Variants in EPHA4 observed in about 807,000 individuals in gnomAD.
EPHA4 encodes EPH receptor A4.
Under a neutral mutation model 108.3 loss-of-function variants are expected in EPHA4, and 19 were observed. The observed-to-expected ratio is 0.18, with a 90% CI of 0.12 to 0.26. The LOEUF (loss-of-function observed/expected upper bound fraction) is 0.26. EPHA4 is among the 10% of genes least tolerant of loss of function. EPHA4 has a pLI of 1.00. For synonymous variants in EPHA4, 449 were observed against 455.5 expected, an observed-to-expected ratio of 0.99 and a Z score of 0.18; for missense variants, 917 against 1,254.0, an observed-to-expected ratio of 0.73 and a Z score of 4.06.
chr2:221,552,148 T>C (rs1171237433), intron 3 of EPHA4, among the ~76,000 whole-genome samples: 1 of 152,150 alleles, frequency 6.6e-6, no homozygotes, highest in Non-Finnish European at 1.5e-5. Context: ...CTTTTTCTTA[T>C]GCATAGGTCT....
At chr2:221,497,383 C>T (rs1026475650) in intron 4 of EPHA4, among the ~76,000 whole-genome samples, 1 of 152,174 alleles carries the variant, frequency 6.6e-6, no homozygotes, top group African/African-American at 2.4e-5. Context: ...TCGCCATCAG[C>T]ACTTTGTTTC....
At chr2:221,533,087 A>G (rs1693565845) in intron 3 of EPHA4, 1 of 152,196 alleles carries the variant, frequency 6.6e-6, no homozygotes, top group Non-Finnish European at 1.5e-5. Flanking sequence ...GAGAAAGGTA[A>G]ATAAAGAACA....
intron 5 of EPHA4, among the ~76,000 whole-genome samples, chr2:221,480,557 C>T (rs1691789213): frequency 6.6e-6 from 1 of 152,118 alleles, no homozygotes; most frequent in Non-Finnish European, 1.5e-5. Context: ...AAACTGTTGG[C>T]AATCACAGAG....
intron 3 of EPHA4, 71 bp downstream of exon 3, chr2:221,563,660 T>C (rs1252031330): frequency 6.5e-7 from 1 of 1,536,720 alleles, no homozygotes; most frequent in African/African-American, 1.4e-5. Flanking sequence ...CTTTACTCCA[T>C]TTAGTCTCAT....
In EPHA4 at chr2:221,564,398, CA is replaced by C. The variant is rs755058370; in HGVS notation, c.160-5del. The stretch of plus-strand genomic sequence containing the variant: ...CCATGATACTCACTTCCTCCCACTG[CA>C]AAGATCCAAAGCAGATGTATCAACT... On this transcript the variant is annotated splice_region_variant and splice_polypyrimidine_tract_variant and intron_variant, in intron 2 of 17. Coordinates refer to ENST00000281821, the MANE Select transcript of EPHA4 (RefSeq NM_004438.5). 3 of 1,604,692 alleles carry C rather than the reference CA, an allele frequency of 1.9e-6. No individual in the cohort carries two copies. The highest frequency in any genetic ancestry group is 1.7e-4 in the Middle Eastern group (1 of 6,022).
rs112497749 is a variant in EPHA4, at chr2:221,420,857, C to T, written c.*820-305G>A. ...AGTACCCTGCCCAATGCCATACCCT[C>T]TGGAGTGGCAAGGCTGGGATTAGAC... On this transcript the variant is annotated intron_variant, in intron 17 of 17. Coordinates refer to ENST00000281821, the MANE Select transcript of EPHA4 (RefSeq NM_004438.5). Among the ~76,000 whole-genome samples the T allele has an allele frequency of 4.2e-3, 645 of 152,262 alleles. 7 individuals carry two copies. The highest frequency in any genetic ancestry group is 0.015 in the African/African-American group (611 of 41,542).
At chr2:221,430,738 G>A (rs1368726762) in intron 14 of EPHA4, among the ~76,000 whole-genome samples, 1 of 151,988 alleles carries the variant, frequency 6.6e-6, no homozygotes, top group Non-Finnish European at 1.5e-5. Flanking sequence ...TTTCTTTCTT[G>A]GTCTCAGTTG....
chr2:221,551,487 A>G (rs1694160103), intron 3 of EPHA4, among the ~76,000 whole-genome samples: 1 of 152,152 alleles, frequency 6.6e-6, no homozygotes. Context: ...TCAGTAAAAG[A>G]TTTTATGGTT....
In EPHA4 at chr2:221,540,769, T is replaced by C. The variant is rs527925383; in HGVS notation, c.823+22962A>G. ...ATTAAGGACTCATCTTTCCATGACA[T>C]AGACCTTACTGTTTATCTTTGACGG... On this transcript the variant is annotated intron_variant, in intron 3 of 17. Transcript: ENST00000281821. 2.0e-5 allele frequency among the ~76,000 whole-genome samples: 3 copies of C among 152,232 alleles called. No individual in the cohort carries two copies. The East Asian group carries it at 5.8e-4, about 30-fold the overall frequency.
chr2:221,524,851 G>A (rs982471631), intron 3 of EPHA4, among the ~76,000 whole-genome samples: 6 of 152,120 alleles, frequency 3.9e-5, no homozygotes, highest in African/African-American at 1.2e-4. Flanking sequence ...AATTAAAATG[G>A]ACATGCTCAT....
intron 14 of EPHA4, 62 bp from the exon 15 acceptor site, chr2:221,430,213 C>T (rs1379751629): frequency 6.7e-7 from 1 of 1,500,478 alleles, no homozygotes; most frequent in African/African-American, 1.4e-5. Flanking sequence ...AAGGTTCACC[C>T]TTCCGACTGG....
intron 8 of EPHA4, among the ~76,000 whole-genome samples, chr2:221,450,618 G>A (rs887604031): frequency 6.6e-6 from 1 of 152,064 alleles, no homozygotes; most frequent in Non-Finnish European, 1.5e-5. Flanking sequence ...TCGTTTATTT[G>A]TTTAATCTCT....
intron 3 of EPHA4, among the ~76,000 whole-genome samples, chr2:221,513,005 T>C (rs1419463427): frequency 6.6e-6 from 1 of 151,964 alleles, no homozygotes; most frequent in South Asian, 2.1e-4. Context: ...GCAGAGGTAA[T>C]GGAATAGAAA....
Position 221,430,060 on chromosome 2 carries a change from T to G in EPHA4, c.2588A>C (p.Lys863Thr), listed in dbSNP as rs771148130. 6.2e-7 allele frequency: 1 copy of G among 1,614,084 alleles called. No homozygotes were observed. The highest frequency in any genetic ancestry group is 8.5e-7 in the Non-Finnish European group (1 of 1,180,022). ...LHQLMLDCWQ[K>T]ERSDRPKFGQ... ...AAATTTAGGCCTGTCGCTCCTCTCCTTCTGCCAGCAGTCTAGCATCAGCTG... is the reference window on the plus strand; with the variant it reads ...AAATTTAGGCCTGTCGCTCCTCTCCGTCTGCCAGCAGTCTAGCATCAGCTG... Residue 863 changes from lysine (K) to threonine (T), a missense_variant, in exon 15 of 18, where the codon AAG becomes ACG. By Grantham distance (78) the Lys-to-Thr change is moderately conservative. Transcript: ENST00000281821.
At chr2:221,565,584 T>C (rs967489719) in intron 2 of EPHA4, among the ~76,000 whole-genome samples, 3 of 152,194 alleles carry the variant, frequency 2.0e-5, no homozygotes, top group African/African-American at 7.2e-5. Context: ...AATGTATCTT[T>C]TAATAGGTTT....
At chr2:221,526,941 T>C (rs1693346181) in intron 3 of EPHA4, among the ~76,000 whole-genome samples, 1 of 118,638 alleles carries the variant, frequency 8.4e-6, no homozygotes, top group East Asian at 2.6e-4. Flanking sequence ...AAAATCTGAA[T>C]CTACCCCCGT....
At chr2:221,490,399 T>C (rs1052447210) in intron 4 of EPHA4, among the ~76,000 whole-genome samples, 3 of 152,166 alleles carry the variant, frequency 2.0e-5, no homozygotes, top group African/African-American at 7.2e-5. Context: ...ACTTAACTGA[T>C]TTTTAATCGC....
chr2:221,520,192 C>A (rs987387659), intron 3 of EPHA4, among the ~76,000 whole-genome samples: 24 of 152,030 alleles, frequency 1.6e-4, no homozygotes, highest in African/African-American at 5.6e-4. Context: ...TCATAGCCAG[C>A]CCCAATTTGT....
At chr2:221,463,508 C>T (rs139908860) in intron 5 of EPHA4, among the ~76,000 whole-genome samples, 2 of 152,272 alleles carry the variant, frequency 1.3e-5, no homozygotes, top group East Asian at 1.9e-4. Context: ...TTTTGATAAA[C>T]AGAAACAGCA....
Sources: gnomAD v4.1 joint callset for allele counts (sites outside exome capture counted in the v4.1 genomes callset) on GRCh38, gnomAD v4.1.1 for gene constraint, MANE v1.5 for transcripts, NCBI Gene and HGNC (gene_info 2026-07-23, HGNC 2026-07-21) for gene names.